Variants in GPR143 observed in about 807,000 individuals in gnomAD.
GPR143 encodes the protein G protein-coupled receptor 143.
In GPR143, 8 loss-of-function variants were observed where a neutral mutation model predicts 27.6. That is an observed-to-expected ratio of 0.29 (90% CI 0.17 to 0.52). GPR143 has a LOEUF of 0.52. Ranked by LOEUF, GPR143 falls within the 20% of genes least tolerant of loss-of-function variation. The pLI, the probability that GPR143 is intolerant of heterozygous loss-of-function variation, is 0.96. For synonymous variants in GPR143, 156 were observed against 153.2 expected, an observed-to-expected ratio of 1.02 and a Z score of -0.13; for missense variants, 303 against 343.1, an observed-to-expected ratio of 0.88 and a Z score of 0.92.
At chrX:9,774,339 C>A (rs748759130) in intron 1 of GPR143, among the ~76,000 whole-genome samples, 1 of 107,294 alleles carries the variant, frequency 9.3e-6, no homozygotes, top group South Asian at 4.0e-4. Flanking sequence ...TGGGCCTCCC[C>A]ACAGGGCAGC....
At position 9,774,704 on chromosome X, in the gene GPR143, T is replaced by A. The variant is rs917342012; in HGVS notation, c.-3+11538A>T. Among the ~76,000 whole-genome samples, 3 of 112,454 alleles carry A rather than the reference T, an allele frequency of 2.7e-5. No homozygotes were observed. In the South Asian group the frequency reaches 1.1e-3, roughly 41 times the overall value. The stretch of plus-strand genomic sequence containing the variant: ...ATTAAATGTGCTTGGTTTGACCTTG[T>A]GGAATGGCCAAAAATGCTTAGGGTT... On this transcript the variant is annotated intron_variant, in intron 1 of 7. Transcript: ENST00000447366.
chrX:9,766,903 TCACACACACACACACACACA>T (rs58553907), upstream of GPR143, among the ~76,000 whole-genome samples: 108 of 86,911 alleles, frequency 1.2e-3, no homozygotes, highest in Non-Finnish European at 2.1e-3. Flanking sequence ...TCTCTCTCTC[TCACACACACACACACACACA>T]CACACACACA....
chrX:9,771,758 T>C (rs1415261169), intron 1 of GPR143, among the ~76,000 whole-genome samples: 1 of 97,226 alleles, frequency 1.0e-5, no homozygotes, highest in Non-Finnish European at 2.0e-5. Context: ...GCCCAGGCTG[T>C]GGCAATAGAG....
chrX:9,750,384 T>TG (rs2083446486), intron 3 of GPR143, among the ~76,000 whole-genome samples: 1 of 110,548 alleles, frequency 9.0e-6, no homozygotes, highest in Non-Finnish European at 1.9e-5. Context: ...TAATTTTTTT[T>TG]TTTTTTGTAG....
At chrX:9,759,556 C>A (rs2083487437) in intron 2 of GPR143, 130 bp from the exon 3 acceptor site, 1 of 516,018 alleles carries the variant, frequency 1.9e-6, no homozygotes, top group Admixed American at 2.7e-5. Context: ...GCTCTCGGGA[C>A]ACAAGTGGGC....
chrX:9,740,710 A>T, intron 7 of GPR143: 8 of 294,627 alleles, frequency 2.7e-5, no homozygotes, highest in Non-Finnish European at 4.1e-5. Flanking sequence ...GTAATAGTCC[A>T]TCAAGATGAA....
upstream of GPR143, chrX:9,765,990 C>CCACGAGGCCT: frequency 2.7e-6 from 1 of 374,626 alleles, no homozygotes; most frequent in Non-Finnish European, 4.2e-6. Flanking sequence ...TGGGCTAACG[C>CCACGAGGCCT]CACGAGGCCT....
intron 3 of GPR143, among the ~76,000 whole-genome samples, chrX:9,758,608 T>C (rs1418554927): frequency 8.9e-6 from 1 of 112,145 alleles, no homozygotes; most frequent in African/African-American, 3.2e-5. Flanking sequence ...AAAAATTGTT[T>C]ATGCAGTGGC....
chrX:9,742,354 G>A (rs1019044712), intron 6 of GPR143, among the ~76,000 whole-genome samples: 7 of 110,953 alleles, frequency 6.3e-5, no homozygotes, highest in Admixed American at 1.9e-4. Context: ...CTGTAGCCTC[G>A]AACTCCTAGG....
chrX:9,753,219 G>A (rs1232936362), intron 3 of GPR143, among the ~76,000 whole-genome samples: 3 of 110,114 alleles, frequency 2.7e-5, no homozygotes, highest in South Asian at 7.8e-4. Flanking sequence ...TTAGCTGGGT[G>A]TGGTGGCAGG....
chrX:9,769,895 T>A (rs987599179), upstream of GPR143, among the ~76,000 whole-genome samples: 20 of 111,448 alleles, frequency 1.8e-4, no homozygotes, highest in African/African-American at 6.5e-4. Context: ...TAAATAAGAT[T>A]TAAATAATAA....
chrX:9,738,772 G>A (rs2083389512), intron 8 of GPR143, among the ~76,000 whole-genome samples: 1 of 111,907 alleles, frequency 8.9e-6, no homozygotes, highest in Admixed American at 9.5e-5. Flanking sequence ...TTACAGGTGT[G>A]TGCCTCCATG....
At chrX:9,739,866 T>C (rs2083395204) in intron 7 of GPR143, 147 bp from the exon 8 acceptor site, 2 of 510,166 alleles carry the variant, frequency 3.9e-6, no homozygotes, top group Non-Finnish European at 7.0e-6. Context: ...TGGTGGCTGG[T>C]TGACTGGTTG....
intron 8 of GPR143, among the ~76,000 whole-genome samples, chrX:9,739,105 C>T (rs893303820): frequency 8.9e-6 from 1 of 112,563 alleles, no homozygotes; most frequent in East Asian, 2.8e-4. Context: ...ATTTTTCTTA[C>T]TCCAAATTTC....
upstream of GPR143, among the ~76,000 whole-genome samples, chrX:9,767,378 AG>A (rs775888181): frequency 1.8e-5 from 2 of 111,233 alleles, no homozygotes; most frequent in South Asian, 3.9e-4. Context: ...GTTTTTTTCA[AG>A]CAACCAAGGT....
intron 1 of GPR143, among the ~76,000 whole-genome samples, chrX:9,771,350 C>G (rs1405509383): frequency 1.8e-5 from 2 of 111,694 alleles, no homozygotes; most frequent in African/African-American, 6.5e-5. Context: ...CCTGAGTCAC[C>G]TCACCCAGAC....
At chrX:9,765,355 G>A (rs2083525805) in intron 1 of GPR143, among the ~76,000 whole-genome samples, 1 of 112,071 alleles carries the variant, frequency 8.9e-6, no homozygotes, top group Admixed American at 9.3e-5. Context: ...GCCGGGGACC[G>A]AGCAGGTCCC....
At chrX:9,761,489 G>A (rs1447961965) in intron 1 of GPR143, among the ~76,000 whole-genome samples, 2 of 112,387 alleles carry the variant, frequency 1.8e-5, no homozygotes, top group Non-Finnish European at 3.8e-5. Context: ...TTTGTCTGTT[G>A]GTTTACTTGC....
chrX:9,770,358 G>GAGAGAGA (rs1569127514), upstream of GPR143, among the ~76,000 whole-genome samples: 21 of 76,550 alleles, frequency 2.7e-4, no homozygotes, highest in African/African-American at 1.1e-3. Context: ...AGAGAGAGAG[G>GAGAGAGA]AAGACCAGCC....
Sources: allele counts gnomAD v4.1 joint callset (sites outside exome capture counted in the v4.1 genomes callset), GRCh38; gene constraint gnomAD v4.1.1; transcripts MANE v1.5; gene names NCBI Gene and HGNC (gene_info 2026-07-23, HGNC 2026-07-21).